UBOX5: variants seen among roughly 807,000 people sequenced by gnomAD.
UBOX5 encodes the protein U-box domain containing 5.
Under a neutral mutation model 39.0 loss-of-function variants are expected in UBOX5, and 28 were observed. The observed-to-expected ratio is 0.72, with a 90% CI of 0.53 to 0.98. The LOEUF (loss-of-function observed/expected upper bound fraction) is 0.98, where lower values mean the gene tolerates loss of function less well. Ranked by LOEUF, UBOX5 falls within the 50% of genes least tolerant of loss-of-function variation. The probability of loss-of-function intolerance (pLI) is 0.00; values close to 1 mark genes in which losing one functional copy is unlikely to be tolerated. For missense variants in UBOX5, 585 were observed against 674.4 expected (o/e 0.87, Z 1.47); for synonymous variants, 283 against 275.5 (o/e 1.03, Z -0.27).
chr20:3,139,353 T>TAGACTCAG (rs1285330493), intron 1 of UBOX5, among the ~76,000 whole-genome samples: 1 of 152,150 alleles, frequency 6.6e-6, no homozygotes, highest in South Asian at 2.1e-4. Flanking sequence ...TAGGCACAAG[T>TAGACTCAG]AGACTCAGTT....
Position 3,121,980 on chromosome 20 carries a change from T to A in UBOX5, c.659A>T (p.Asp220Val). The A allele has an allele frequency of 1.2e-6, 2 of 1,614,108 alleles. No homozygotes were observed. The highest frequency in any genetic ancestry group is 1.1e-5 in the South Asian group (1 of 91,090). ...LLVTSENLPQDVALQAPALPM... is the reference protein window; with the variant it reads ...LLVTSENLPQVVALQAPALPM... ...CAAGGCTGGAGCCTGCAGAGCCACA[T>A]CCTGAGGCAGGTTCTCTGAGGTGAC... The change falls in exon 3 of 5, where the codon GAT becomes GTT. Residue 220 changes from aspartate to valine, a missense_variant. Physicochemically the swap from Asp to Val is radical, Grantham distance 152. Transcript: ENST00000217173.
intron 1 of UBOX5, among the ~76,000 whole-genome samples, chr20:3,124,055 A>C (rs544194901): frequency 1.3e-5 from 2 of 152,062 alleles, no homozygotes; most frequent in East Asian, 3.9e-4. Flanking sequence ...CGTTGTAGGG[A>C]TCTTGCTATG....
rs2066602188 is a variant in UBOX5, at chr20:3,149,392, C to T, written c.-42+10374G>A. 3.2e-6 allele frequency: 1 copy of T among 310,090 alleles called. No homozygotes were observed. Among genetic ancestry groups the T allele is most frequent in the Non-Finnish European group, 5.9e-6 (1 of 168,080 alleles). 19.2% of individuals were successfully genotyped at this position (310,090 alleles called of 1,614,324 possible). A position where few individuals can be genotyped will look rare whatever the true frequency, so the allele number is the denominator to read the frequency against. On this transcript the variant is annotated intron_variant, in intron 1 of 4. Transcript: ENST00000217173. The surrounding 1 kb of genome is among the most constrained non-coding windows in gnomAD (Gnocchi z 4.1). The stretch of plus-strand genomic sequence containing the variant: ...GTTCAATGCTAGTAAATGCCCAAAC[C>T]ACATGACAGCATATATCAAGGATAA...
chr20:3,148,786 T>G, intron 1 of UBOX5: 2 of 1,614,236 alleles, frequency 1.2e-6, no homozygotes. Flanking sequence ...TGGCCCTGGG[T>G]GAGCCCAGCT....
chr20:3,122,240 G>A lies in UBOX5; in HGVS notation c.399C>T (p.His133=), dbSNP rs201076348. The change falls in exon 3 of 5, where the codon CAC becomes CAT. Residue 133 remains histidine, a synonymous_variant. Transcript: ENST00000217173. ...LKNQSQVVFS[H]RGFKARPPFG... ...AAGGGGGCCTGGCCTTGAAGCCCCT[G>A]TGGCTAAACACCACTTGGCTCTGGT... The A allele has an allele frequency of 2.5e-6, 4 of 1,614,244 alleles. No individual in the cohort carries two copies. The highest frequency in any genetic ancestry group is 1.1e-5 in the South Asian group (1 of 91,090).
intron 1 of UBOX5, among the ~76,000 whole-genome samples, chr20:3,129,152 A>G (rs2066411799): frequency 6.6e-6 from 1 of 152,176 alleles, no homozygotes; most frequent in African/African-American, 2.4e-5. Flanking sequence ...GACCAGACAC[A>G]GACTACCTGC....
In UBOX5 at chr20:3,142,027, CT is replaced by C. The variant is rs747172577; in HGVS notation, c.-42+17738del. Reference sequence around the variant, plus strand: ...GACCCTTTTTCTTTTCTTTTCTTTTCTTTTTTTTTTGCCTCAGCTACTTGGA... The same window carrying C: ...GACCCTTTTTCTTTTCTTTTCTTTTCTTTTTTTTTGCCTCAGCTACTTGGA... On this transcript the variant is annotated intron_variant, in intron 1 of 4. Transcript: ENST00000217173. Among the ~76,000 whole-genome samples, 1,220 of 133,798 alleles carry C rather than the reference CT, an allele frequency of 9.1e-3. 25 individuals are homozygous for C. Among genetic ancestry groups the C allele is most frequent in the African/African-American group, 0.036 (1,134 of 31,442 alleles). The allele number at this position is 133,798 out of a possible 152,430, so 87.8% of individuals were successfully genotyped here.
intron 3 of UBOX5, among the ~76,000 whole-genome samples, chr20:3,118,440 C>A (rs1421561267): frequency 1.3e-5 from 2 of 151,732 alleles, no homozygotes; most frequent in Non-Finnish European, 2.9e-5. Context: ...CTATTGCACT[C>A]CAGCCTGGGT....
chr20:3,115,279 C>CA, intron 4 of UBOX5, 26 bp downstream of exon 4: 1 of 1,599,880 alleles, frequency 6.3e-7, no homozygotes. Flanking sequence ...TCCAAGGCTC[C>CA]AAGGAGATGG....
chr20:3,146,366 T>TAA (rs1289937632), intron 1 of UBOX5, among the ~76,000 whole-genome samples: 1 of 93,208 alleles, frequency 1.1e-5, no homozygotes, highest in Non-Finnish European at 2.1e-5. Flanking sequence ...AAACTGGCTT[T>TAA]AAAAAAAAAA....
chr20:3,113,191 G>A (rs1165744021), intron 4 of UBOX5, among the ~76,000 whole-genome samples: 2 of 150,652 alleles, frequency 1.3e-5, no homozygotes, highest in Admixed American at 1.3e-4. Context: ...TGGGGGCTGA[G>A]ACAGGAAGAT....
At chr20:3,142,076 C>CT (rs2066521374) in intron 1 of UBOX5, among the ~76,000 whole-genome samples, 1 of 149,982 alleles carries the variant, frequency 6.7e-6, no homozygotes, top group Non-Finnish European at 1.5e-5. Flanking sequence ...AAGGGATCAC[C>CT]TGAGTCCAGG....
intron 1 of UBOX5, chr20:3,148,496 T>TGGCAG: frequency 6.2e-7 from 1 of 1,614,154 alleles, no homozygotes; most frequent in Non-Finnish European, 8.5e-7. Context: ...CACACTCAGC[T>TGGCAG]GGCAGAGCAG....
intron 1 of UBOX5, among the ~76,000 whole-genome samples, chr20:3,155,052 C>CAAA (rs11326176): frequency 1.2e-4 from 12 of 96,088 alleles, no homozygotes; most frequent in South Asian, 3.6e-4. Flanking sequence ...GACACAGTCT[C>CAAA]AAAAAAAAAA....
Position 3,149,086 on chromosome 20 carries a change from G to T in UBOX5, c.-42+10680C>A. The T allele has an allele frequency of 6.3e-7, 1 of 1,595,086 alleles. No homozygotes were observed. Among genetic ancestry groups the T allele is most frequent in the Non-Finnish European group, 8.5e-7 (1 of 1,170,266 alleles). On this transcript the variant is annotated intron_variant, in intron 1 of 4. Coordinates refer to ENST00000217173, the MANE Select transcript of UBOX5 (RefSeq NM_014948.4). This position sits in a 1 kb window ranked among gnomAD's most constrained non-coding sequence, Gnocchi z 4.1. ...TAGCTGCCATTCTGGTGTCAGTATT[G>T]ATCTCTTTGGCAGTCAGAATACAGT... is the stretch of plus-strand genomic sequence containing the variant.
At chr20:3,141,478 C>T (rs369272611) in intron 1 of UBOX5, among the ~76,000 whole-genome samples, 3 of 151,630 alleles carry the variant, frequency 2.0e-5, no homozygotes, top group Non-Finnish European at 4.4e-5. Flanking sequence ...GGAGAAACCC[C>T]GTCTCTACTA....
Position 3,121,634 on chromosome 20 carries a change from G to C in UBOX5, c.1005C>G (p.His335Gln). The change falls in exon 3 of 5, where the codon CAC becomes CAG. Residue 335 changes from histidine to glutamine, a missense_variant. Coordinates refer to ENST00000217173, the MANE Select transcript of UBOX5 (RefSeq NM_014948.4). ...CAAGCAGGTGGCAGCCAGGGATGGA[G>C]TGCTGGAGCAGGAAATGGTCAATCC... ...KARIDHFLLQHSIPGCHLLGR... is the reference protein window; with the variant it reads ...KARIDHFLLQQSIPGCHLLGR... The C allele has an allele frequency of 6.2e-7, 1 of 1,611,818 alleles. No homozygotes were observed. Among genetic ancestry groups the C allele is most frequent in the Non-Finnish European group, 8.5e-7 (1 of 1,179,002 alleles).
At chr20:3,146,797 T>C (rs764529767) in intron 1 of UBOX5, 1 of 1,614,068 alleles carries the variant, frequency 6.2e-7, no homozygotes, top group Non-Finnish European at 8.5e-7. Context: ...AGGTGAATAC[T>C]TTCTCATGAA....
chr20:3,116,656 C>T (rs2066295776), intron 3 of UBOX5: 1 of 152,166 alleles, frequency 6.6e-6, no homozygotes, highest in Non-Finnish European at 1.5e-5. Flanking sequence ...CCAGGAGTTT[C>T]TGAAGGTCAT....
Sources: allele counts gnomAD v4.1 joint callset (sites outside exome capture counted in the v4.1 genomes callset), GRCh38; gene constraint gnomAD v4.1.1; non-coding constraint Gnocchi (gnomAD v3.1); transcripts MANE v1.5; gene names NCBI Gene and HGNC (gene_info 2026-07-23, HGNC 2026-07-21).